Variants in PPFIBP2 observed in about 807,000 individuals in gnomAD.
PPFIBP2 encodes PPFIB scaffold protein 2.
PPFIBP2 carries 118 observed loss-of-function variants against 118.3 expected under a neutral mutation model. That is an observed-to-expected ratio of 1.00 (90% CI 0.86 to 1.16). The LOEUF (loss-of-function observed/expected upper bound fraction) is 1.16. PPFIBP2 is among the 50% of genes most tolerant of loss of function. The pLI is 0.00. For synonymous variants in PPFIBP2, 414 were observed against 397.4 expected (o/e 1.04, Z -0.50); for missense variants, 1,195 against 1,073.1 (o/e 1.11, Z -1.59).
chr11:7,622,042 G>C (rs1849418411), intron 7 of PPFIBP2, among the ~76,000 whole-genome samples: 1 of 152,204 alleles, frequency 6.6e-6, no homozygotes, highest in Non-Finnish European at 1.5e-5. Flanking sequence ...GGCCATTCTT[G>C]CATTGCTACA....
At chr11:7,515,350 G>A (rs1849140865) in intron 1 of PPFIBP2, among the ~76,000 whole-genome samples, 1 of 152,246 alleles carries the variant, frequency 6.6e-6, no homozygotes, top group African/African-American at 2.4e-5. Flanking sequence ...CTACTGGAGA[G>A]ATAAGCTGCT....
intron 3 of PPFIBP2, among the ~76,000 whole-genome samples, chr11:7,570,438 G>A (rs1322214833): frequency 2.0e-5 from 3 of 152,176 alleles, no homozygotes; most frequent in Non-Finnish European, 4.4e-5. Context: ...CTGTTCTGCT[G>A]TTTAATACAT....
intron 16 of PPFIBP2, 39 bp from the exon 17 acceptor site, chr11:7,642,259 C>A: frequency 1.9e-6 from 3 of 1,609,320 alleles, no homozygotes; most frequent in Non-Finnish European, 2.5e-6. Flanking sequence ...GGCTTTCTGA[C>A]TATTCCATGA....
chr11:7,658,311 A>C (rs1464671736), downstream of PPFIBP2, among the ~76,000 whole-genome samples: 11 of 94,848 alleles, frequency 1.2e-4, no homozygotes, highest in African/African-American at 3.5e-4. Context: ...CCCACCCCAC[A>C]ACAGTCCCCA....
At position 7,526,235 on chromosome 11, in the gene PPFIBP2, G is replaced by A. The variant is rs150872132; in HGVS notation, c.-37+12114G>A. Among the ~76,000 whole-genome samples the A allele has an allele frequency of 6.7e-3, 1,018 of 152,286 alleles. 9 individuals are homozygous for A. Among genetic ancestry groups the A allele is most frequent in the African/African-American group, 0.023 (960 of 41,566 alleles). On this transcript the variant is annotated intron_variant, in intron 1 of 23. Transcript: ENST00000299492. Reference sequence around the variant, plus strand: ...GCTGTAAGATTTTGGCAAAGGGAAGGCTTTGTGGATCAACCAACTGGGGTG... The same window carrying A: ...GCTGTAAGATTTTGGCAAAGGGAAGACTTTGTGGATCAACCAACTGGGGTG...
intron 7 of PPFIBP2, among the ~76,000 whole-genome samples, chr11:7,624,701 G>A (rs1849761244): frequency 6.6e-6 from 1 of 152,226 alleles, no homozygotes; most frequent in Admixed American, 6.5e-5. Context: ...TATCCACAAA[G>A]AAAAGAATAG....
intron 21 of PPFIBP2, among the ~76,000 whole-genome samples, chr11:7,650,126 T>C (rs1002175981): frequency 1.2e-4 from 19 of 152,018 alleles, no homozygotes; most frequent in South Asian, 6.2e-4. Flanking sequence ...AGAGAAGAAA[T>C]AGTATACGTA....
At chr11:7,581,873 G>A (rs967642498) in intron 3 of PPFIBP2, among the ~76,000 whole-genome samples, 1 of 151,524 alleles carries the variant, frequency 6.6e-6, no homozygotes, top group Non-Finnish European at 1.5e-5. Context: ...GTCTAGGTCT[G>A]TCACCCAGGC....
At chr11:7,521,597 TCAAA>T (rs1467061900) in intron 1 of PPFIBP2, among the ~76,000 whole-genome samples, 3 of 150,788 alleles carry the variant, frequency 2.0e-5, no homozygotes, top group East Asian at 2.0e-4. Context: ...ACATATCACA[TCAAA>T]CAAAGATCTG....
intron 14 of PPFIBP2, among the ~76,000 whole-genome samples, chr11:7,639,398 C>T (rs562727864): frequency 2.6e-5 from 4 of 152,298 alleles, no homozygotes; most frequent in East Asian, 1.9e-4. Context: ...GAGTAATTCA[C>T]GGCTGTTAAT....
intron 1 of PPFIBP2, among the ~76,000 whole-genome samples, chr11:7,515,519 G>T (rs1849155408): frequency 6.6e-6 from 1 of 152,170 alleles, no homozygotes; most frequent in African/African-American, 2.4e-5. Context: ...TTTAAGAAAG[G>T]GTGATGTGAT....
chr11:7,653,535 C>A lies in PPFIBP2; in HGVS notation c.*317C>A. 7.5e-7 allele frequency: 1 copy of A among 1,334,000 alleles called. No homozygotes were observed. The highest frequency in any genetic ancestry group is 9.8e-7 in the Non-Finnish European group (1 of 1,018,620). The allele number at this position is 1,334,000 out of a possible 1,614,324, so 82.6% of individuals were successfully genotyped here. On this transcript the variant is annotated 3_prime_UTR_variant, in exon 24 of 24. Transcript: ENST00000299492. Reference sequence around the variant, plus strand: ...GAAACACATGAACTTCGATGCAGGTCCAGAGACCATGGACACTCCCACGAG... The same window carrying A: ...GAAACACATGAACTTCGATGCAGGTACAGAGACCATGGACACTCCCACGAG...
chr11:7,649,845 T>C (rs1443632467), intron 21 of PPFIBP2, among the ~76,000 whole-genome samples, 191 bp downstream of exon 21: 1 of 152,200 alleles, frequency 6.6e-6, no homozygotes, highest in African/African-American at 2.4e-5. Flanking sequence ...ACAGTAGCCA[T>C]AGACCTCTAA....
chr11:7,526,688 C>A (rs1312949645), intron 1 of PPFIBP2, among the ~76,000 whole-genome samples: 1 of 152,030 alleles, frequency 6.6e-6, no homozygotes, highest in African/African-American at 2.4e-5. Flanking sequence ...CTGGCTAACA[C>A]GGTGAAACCC....
chr11:7,563,480 T>A (rs1019995287), intron 2 of PPFIBP2, among the ~76,000 whole-genome samples: 1 of 152,214 alleles, frequency 6.6e-6, no homozygotes, highest in Non-Finnish European at 1.5e-5. Context: ...CCCTGTATCA[T>A]GCATTTTCAG....
intron 6 of PPFIBP2, among the ~76,000 whole-genome samples, chr11:7,611,107 G>T (rs1848022190): frequency 6.6e-6 from 1 of 152,134 alleles, no homozygotes; most frequent in South Asian, 2.1e-4. Flanking sequence ...TTCACACCTA[G>T]CAATGAGAGA....
chr11:7,612,767 C>T (rs551004044), intron 6 of PPFIBP2, among the ~76,000 whole-genome samples: 1 of 152,312 alleles, frequency 6.6e-6, no homozygotes, highest in Admixed American at 6.5e-5. Flanking sequence ...CTGTGATAAT[C>T]AGTGAGCAGC....
chr11:7,641,398 G>A lies in PPFIBP2; in HGVS notation c.1376-81G>A, dbSNP rs1590760410. ...GCAGATTCTCTGGACTCCCACTGAA[G>A]GGGAGGGCCCAGGCTTGGGGAAGAA... On this transcript the variant is annotated intron_variant, in intron 15 of 23. Coordinates refer to ENST00000299492, the MANE Select transcript of PPFIBP2 (RefSeq NM_003621.5). 3.4e-6 allele frequency: 5 copies of A among 1,481,226 alleles called. No individual in the cohort carries two copies. In the East Asian group the frequency reaches 6.8e-5, roughly 20 times the overall value. The allele number at this position is 1,481,226 out of a possible 1,614,324, so 91.8% of individuals were successfully genotyped here. A position where few individuals can be genotyped will look rare whatever the true frequency, so the allele number is the denominator to read the frequency against.
At chr11:7,601,371 C>A (rs1861399467) in intron 5 of PPFIBP2, among the ~76,000 whole-genome samples, 1 of 152,112 alleles carries the variant, frequency 6.6e-6, no homozygotes, top group African/African-American at 2.4e-5. Context: ...CCACATGAGC[C>A]CACCTAGATT....
Sources: allele counts gnomAD v4.1 joint callset (sites outside exome capture counted in the v4.1 genomes callset), GRCh38; gene constraint gnomAD v4.1.1; transcripts MANE v1.5; gene names NCBI Gene and HGNC (gene_info 2026-07-23, HGNC 2026-07-21).